Variants in LRRN3 observed in about 807,000 individuals in gnomAD.
LRRN3 encodes leucine rich repeat neuronal 3.
A neutral mutation model predicts 40.1 loss-of-function variants in LRRN3; 15 were observed. The observed-to-expected ratio is 0.37, with a 90% CI of 0.25 to 0.58. LRRN3 has a LOEUF of 0.58. Ranked by LOEUF, LRRN3 falls within the 20% of genes least tolerant of loss-of-function variation. The pLI is 0.72. For missense variants in LRRN3, 746 were observed against 837.7 expected (o/e 0.89, Z 1.35); for synonymous variants, 308 against 297.2 (o/e 1.04, Z -0.37).
In LRRN3 at chr7:111,122,602, T is replaced by C. The variant is rs974092787; in HGVS notation, c.-171T>C. The C allele has an allele frequency of 1.3e-5, 8 of 597,120 alleles. No homozygotes were observed. The highest frequency in any genetic ancestry group is 2.4e-5 in the Non-Finnish European group (8 of 334,256). The allele number at this position is 597,120 out of a possible 1,614,324, so 37.0% of individuals were successfully genotyped here. ...CAATATGCATGACATTTTTGGACAA[T>C]GCAATTGTGGCACTGGCACTTATTT... On this transcript the variant is annotated 5_prime_UTR_variant, in exon 3 of 3. An upstream start codon of the reference 5' UTR is lost. Transcript: ENST00000308478.
At chr7:111,103,700 C>A (rs552854435) in intron 2 of LRRN3, among the ~76,000 whole-genome samples, 1 of 151,794 alleles carries the variant, frequency 6.6e-6, no homozygotes, top group African/African-American at 2.4e-5. Context: ...TAGTGATTAA[C>A]ATTTAGTAAC....
Position 111,124,880 on chromosome 7 carries a change from T to C in LRRN3, c.2108T>C (p.Leu703Ser). The C allele has an allele frequency of 6.3e-7, 1 of 1,579,940 alleles. No individual in the cohort carries two copies. ...SLKVKATVIG[L>S]PTNMS ...AAAGTAAAAGCAACTGTTATAGGTT[T>C]ACCAACAAATATGTCCTAAAAACCA... is the stretch of plus-strand genomic sequence containing the variant. The change falls in exon 3 of 3, where the codon TTA becomes TCA. Residue 703 changes from leucine (L) to serine (S), a missense_variant. Physicochemically the swap from Leu to Ser is moderately radical, Grantham distance 145 (BLOSUM62 -2). Transcript: ENST00000308478.
intron 2 of LRRN3, among the ~76,000 whole-genome samples, chr7:111,104,149 A>C (rs1798281349): frequency 6.6e-6 from 1 of 151,654 alleles, no homozygotes; most frequent in African/African-American, 2.4e-5. Context: ...TTGCTGGAGG[A>C]TACCTTCCTT....
At chr7:111,098,353 T>C (rs973887908) in intron 1 of LRRN3, among the ~76,000 whole-genome samples, 1 of 151,840 alleles carries the variant, frequency 6.6e-6, no homozygotes, top group Non-Finnish European at 1.5e-5. Context: ...TTCCAAACCA[T>C]TTCCTCAATC....
chr7:111,100,147 A>G (rs567434826), intron 2 of LRRN3, among the ~76,000 whole-genome samples, 185 bp downstream of exon 2: 1 of 151,680 alleles, frequency 6.6e-6, no homozygotes, highest in South Asian at 2.1e-4. Flanking sequence ...TTAAATTTCA[A>G]TAGCTTTTTG....
At chr7:111,114,986 A>C (rs1342802219) in intron 2 of LRRN3, among the ~76,000 whole-genome samples, 1 of 152,118 alleles carries the variant, frequency 6.6e-6, no homozygotes, top group East Asian at 1.9e-4. Flanking sequence ...TCTCTAGTTT[A>C]ATTATAACCT....
chr7:111,110,074 G>T (rs1156712895), intron 2 of LRRN3, among the ~76,000 whole-genome samples: 2 of 152,164 alleles, frequency 1.3e-5, no homozygotes, highest in East Asian at 3.9e-4. Flanking sequence ...GGTGGAGGTT[G>T]CAGTAAGCTG....
chr7:111,108,601 G>C (rs1040310214), intron 2 of LRRN3, among the ~76,000 whole-genome samples: 4 of 152,076 alleles, frequency 2.6e-5, no homozygotes, highest in Non-Finnish European at 5.9e-5. Flanking sequence ...CATTGGCTTA[G>C]AAGAAATTTA....
At chr7:111,120,630 G>A (rs1293908088) in intron 2 of LRRN3, among the ~76,000 whole-genome samples, 1 of 152,090 alleles carries the variant, frequency 6.6e-6, no homozygotes, top group Non-Finnish European at 1.5e-5. Flanking sequence ...AAATAAAACA[G>A]CCAAATGTTA....
At chr7:111,106,671 A>T (rs1798583459) in intron 2 of LRRN3, among the ~76,000 whole-genome samples, 1 of 148,232 alleles carries the variant, frequency 6.7e-6, no homozygotes, top group African/African-American at 2.5e-5. Flanking sequence ...AACAGGAATT[A>T]AAGTCTCGGT....
rs921741113 is a variant in LRRN3 at position 111,123,849 on chromosome 7, C to A, written c.1077C>A (p.Asn359Lys). 2.5e-6 allele frequency: 4 copies of A among 1,613,826 alleles called. No individual in the cohort carries two copies. Among genetic ancestry groups the A allele is most frequent in the African/African-American group, 1.3e-5 (1 of 74,904 alleles). Residue 359 changes from asparagine to lysine, a missense_variant, in exon 3 of 3, where the codon AAC (asparagine) becomes AAA (lysine). Coordinates refer to ENST00000308478, the MANE Select transcript of LRRN3 (RefSeq NM_001099658.2). This position sits in a 1 kb window ranked among gnomAD's most constrained non-coding sequence, Gnocchi z 6.4. The stretch of plus-strand genomic sequence containing the variant: ...ATGGTACCATTGAGTCTCTGCCAAA[C>A]CTCAAGGAAATCAGCATACACAGTA... ...LYHGTIESLP[N>K]LKEISIHSNP...
At position 111,124,532 on chromosome 7, in the gene LRRN3, C is replaced by T; in HGVS notation, c.1760C>T (p.Thr587Ile). 1 of 1,612,944 alleles carries T rather than the reference C, an allele frequency of 6.2e-7. No homozygotes were observed. The highest frequency in any genetic ancestry group is 8.5e-7 in the Non-Finnish European group (1 of 1,179,140). Residue 587 changes from threonine (T) to isoleucine (I), a missense_variant, in exon 3 of 3, where the codon ACT becomes ATT. By Grantham distance (89) the Thr-to-Ile change is moderately conservative (BLOSUM62 -1). Transcript: ENST00000308478. Reference protein sequence around the residue: ...VYNLTHLNPSTEYKICIDIPT... With the variant: ...VYNLTHLNPSIEYKICIDIPT... ...AATCTTACTCATCTGAATCCATCAA[C>T]TGAGTATAAAATTTGTATTGATATT... is the stretch of plus-strand genomic sequence containing the variant.
chr7:111,104,709 G>A (rs1029521839), intron 2 of LRRN3, among the ~76,000 whole-genome samples: 1 of 151,740 alleles, frequency 6.6e-6, no homozygotes, highest in Non-Finnish European at 1.5e-5. Flanking sequence ...AAGTGTGAAG[G>A]ACTTGTCACA....
At chr7:111,105,633 G>C (rs927402157) in intron 2 of LRRN3, among the ~76,000 whole-genome samples, 1 of 151,758 alleles carries the variant, frequency 6.6e-6, no homozygotes, top group Non-Finnish European at 1.5e-5. Context: ...TATTTTTGTT[G>C]TTCCTCCTAT....
At chr7:111,114,034 T>C (rs1455469794) in intron 2 of LRRN3, among the ~76,000 whole-genome samples, 1 of 151,350 alleles carries the variant, frequency 6.6e-6, no homozygotes, top group Non-Finnish European at 1.5e-5. Flanking sequence ...AAATAAAGAG[T>C]GGACAAAATG....
rs778004295 is a variant in LRRN3 at position 111,124,449 on chromosome 7, G to A, written c.1677G>A (p.Lys559=). The A allele has an allele frequency of 6.2e-7, 1 of 1,613,842 alleles. No individual in the cohort carries two copies. The highest frequency in any genetic ancestry group is 8.5e-7 in the Non-Finnish European group (1 of 1,179,966). The change falls in exon 3 of 3, where the codon AAG becomes AAA. Residue 559 remains lysine (K), a synonymous_variant. Transcript: ENST00000308478. The part of the protein sequence containing the change: ...KSSVKWTAFV[K]TENSHAAQSA... Reference sequence around the variant, plus strand: ...GTGTTAAATGGACAGCCTTTGTCAAGACTGAAAATTCTCATGCTGCGCAAA... The same window carrying A: ...GTGTTAAATGGACAGCCTTTGTCAAAACTGAAAATTCTCATGCTGCGCAAA...
chr7:111,125,429 CTAAA>C lies in LRRN3; in HGVS notation c.*535_*538del, dbSNP rs1164279619. On this transcript the variant is annotated 3_prime_UTR_variant, in exon 3 of 3. Coordinates refer to ENST00000308478, the MANE Select transcript of LRRN3 (RefSeq NM_001099658.2). ...CAATTGCTTCTGTCTTGTTTTGTTT[CTAAA>C]TAAAGAATAATTTCTGGGAAATATC... 1.8e-5 allele frequency: 3 copies of C among 167,030 alleles called. No homozygotes were observed. In the East Asian group the frequency reaches 5.8e-4, roughly 32 times the overall value. 10.3% of individuals were successfully genotyped at this position (167,030 alleles called of 1,614,324 possible).
chr7:111,124,933 A>C lies in LRRN3; in HGVS notation c.*34A>C, dbSNP rs1336779552. ...AAGGAAACCTACTCCAAAAATGAAC[A>C]AAAAAAAAAAAAGCGAAAGACTGCA... On this transcript the variant is annotated 3_prime_UTR_variant, in exon 3 of 3. Coordinates refer to ENST00000308478, the MANE Select transcript of LRRN3 (RefSeq NM_001099658.2). 13 of 403,030 alleles carry C rather than the reference A, an allele frequency of 3.2e-5. No homozygotes were observed. Among genetic ancestry groups the C allele is most frequent in the Admixed American group, 5.5e-5 (1 of 18,244 alleles). The allele number at this position is 403,030 out of a possible 1,614,324, so 25.0% of individuals were successfully genotyped here. A position where few individuals can be genotyped will look rare whatever the true frequency, so the allele number is the denominator to read the frequency against.
At chr7:111,092,862 C>T (rs1315940716) in intron 1 of LRRN3, among the ~76,000 whole-genome samples, 1 of 152,186 alleles carries the variant, frequency 6.6e-6, no homozygotes, top group East Asian at 1.9e-4. Flanking sequence ...CTGGAGCTCT[C>T]TCCTGCCTTC....
Sources: allele counts gnomAD v4.1 joint callset (sites outside exome capture counted in the v4.1 genomes callset), GRCh38; gene constraint gnomAD v4.1.1; non-coding constraint Gnocchi (gnomAD v3.1); transcripts MANE v1.5; gene names NCBI Gene and HGNC (gene_info 2026-07-23, HGNC 2026-07-21).